ENAH: variants seen among roughly 807,000 people sequenced by gnomAD.
ENAH encodes the protein protein enabled homolog.
In ENAH, 23 loss-of-function variants were observed where a neutral mutation model predicts 78.7. That is an observed-to-expected ratio of 0.29 (90% CI 0.21 to 0.41). The LOEUF (loss-of-function observed/expected upper bound fraction) is 0.41. Among genes scored for constraint, ENAH ranks in the 10% least tolerant of loss-of-function variants. The pLI, the probability that ENAH is intolerant of heterozygous loss-of-function variation, is 1.00. For missense variants in ENAH, 544 were observed against 691.0 expected, an observed-to-expected ratio of 0.79 and a Z score of 2.39; for synonymous variants, 226 against 241.0, an observed-to-expected ratio of 0.94 and a Z score of 0.58.
At chr1:225,542,976 A>G (rs1184977444) in intron 3 of ENAH, among the ~76,000 whole-genome samples, 4 of 151,732 alleles carry the variant, frequency 2.6e-5, no homozygotes, top group Non-Finnish European at 5.9e-5. Flanking sequence ...TTATGATCGC[A>G]CCACTGCACT....
intron 1 of ENAH, among the ~76,000 whole-genome samples, chr1:225,595,614 T>TATTTGTCCATG (rs1324343601): frequency 6.6e-6 from 1 of 152,224 alleles, no homozygotes; most frequent in East Asian, 1.9e-4. Context: ...TGTTAGGATC[T>TATTTGTCCATG]CTTCATTTGT....
At position 225,511,897 on chromosome 1, in the gene ENAH, G is replaced by C. The variant is rs772489334; in HGVS notation, c.1423-38C>G. 2.2e-6 allele frequency: 3 copies of C among 1,369,670 alleles called. 1 individual carries two copies. The South Asian group carries it at 3.7e-5, about 17-fold the overall frequency. 84.8% of individuals were successfully genotyped at this position (1,369,670 alleles called of 1,614,324 possible). A position where few individuals can be genotyped will look rare whatever the true frequency, so the allele number is the denominator to read the frequency against. On this transcript the variant is annotated intron_variant, in intron 9 of 13. Coordinates refer to ENST00000366843, the MANE Select transcript of ENAH (RefSeq NM_018212.6). Reference sequence around the variant, plus strand: ...ATATATATTAATATCACATCTACCAGTCCCCTGTTGCTATATACATTTAGT... The same window carrying C: ...ATATATATTAATATCACATCTACCACTCCCCTGTTGCTATATACATTTAGT...
At chr1:225,527,466 A>G (rs56153247) in intron 4 of ENAH, among the ~76,000 whole-genome samples, 13,360 of 152,310 alleles carry the variant, frequency 0.088, 714 homozygotes, top group Non-Finnish European at 0.12. Context: ...CCAGCCATGC[A>G]CTACTGTCAG....
At chr1:225,558,627 CTTTTTTT>C (rs71170091) in intron 2 of ENAH, among the ~76,000 whole-genome samples, 1 of 69,218 alleles carries the variant, frequency 1.4e-5, no homozygotes, top group African/African-American at 5.6e-5. Flanking sequence ...TAATTTCTGC[CTTTTTTT>C]TTTTTTTTTT....
intron 1 of ENAH, among the ~76,000 whole-genome samples, chr1:225,637,813 C>T (rs1660331379): frequency 6.6e-6 from 1 of 152,110 alleles, no homozygotes; most frequent in Non-Finnish European, 1.5e-5. Flanking sequence ...GTCCCAGCTA[C>T]TTAGGAAGCC....
At chr1:225,506,151 C>T (rs532547071) in intron 11 of ENAH, among the ~76,000 whole-genome samples, 1 of 152,264 alleles carries the variant, frequency 6.6e-6, no homozygotes, top group Non-Finnish European at 1.5e-5. Context: ...TCAACGTAGG[C>T]TTAGCTTTTA....
chr1:225,557,324 T>C (rs1471448163), intron 2 of ENAH, among the ~76,000 whole-genome samples: 1 of 152,216 alleles, frequency 6.6e-6, no homozygotes, highest in East Asian at 1.9e-4. Context: ...CCTAATAATT[T>C]ACATTAAGGT....
At position 225,652,759 on chromosome 1, in the gene ENAH, C is replaced by T. The variant is rs1663286839; in HGVS notation, c.-69G>A. On this transcript the variant is annotated 5_prime_UTR_variant, in exon 1 of 14. Transcript: ENST00000366843. Reference sequence around the variant, plus strand: ...GAAGGCGCCGAGCCGAGGGGGGGGTCTCTCCTCCAGGGGTGGGGAGCAGCT... The same window carrying T: ...GAAGGCGCCGAGCCGAGGGGGGGGTTTCTCCTCCAGGGGTGGGGAGCAGCT... The T allele has an allele frequency of 7.8e-7, 1 of 1,278,742 alleles. No individual in the cohort carries two copies. The highest frequency in any genetic ancestry group is 9.9e-7 in the Non-Finnish European group (1 of 1,009,454). 79.2% of individuals were successfully genotyped at this position (1,278,742 alleles called of 1,614,324 possible).
intron 1 of ENAH, among the ~76,000 whole-genome samples, chr1:225,578,547 CTGTG>C (rs1276332376): frequency 6.6e-6 from 1 of 152,154 alleles, no homozygotes; most frequent in African/African-American, 2.4e-5. Flanking sequence ...GGAACCTGCT[CTGTG>C]TGTGCAACTC....
intron 3 of ENAH, 130 bp downstream of exon 3, chr1:225,554,776 G>T (rs1342923116): frequency 7.0e-6 from 5 of 713,198 alleles, no homozygotes; most frequent in Non-Finnish European, 8.3e-6. Flanking sequence ...ATATATACAA[G>T]ATCTAAAAGT....
Position 225,567,432 on chromosome 1 carries a change from A to C in ENAH, c.6-18T>G. 1 of 1,595,260 alleles carries C rather than the reference A, an allele frequency of 6.3e-7. No homozygotes were observed. Among genetic ancestry groups the C allele is most frequent in the South Asian group, 1.1e-5 (1 of 88,592 alleles). On this transcript the variant is annotated intron_variant, in intron 1 of 13. Transcript: ENST00000366843. ...TCTGTTCACTGTAAAAAATAAAATAAAATATTCAAACTTGCAATATTTAAA... is the reference window on the plus strand; with the variant it reads ...TCTGTTCACTGTAAAAAATAAAATACAATATTCAAACTTGCAATATTTAAA...
intron 1 of ENAH, among the ~76,000 whole-genome samples, chr1:225,642,612 G>C (rs1661277880): frequency 6.6e-6 from 1 of 152,142 alleles, no homozygotes; most frequent in Non-Finnish European, 1.5e-5. Flanking sequence ...CGAGGTTGCA[G>C]TAAGCTATGA....
intron 4 of ENAH, among the ~76,000 whole-genome samples, chr1:225,528,990 G>A (rs904311121): frequency 6.6e-6 from 1 of 151,574 alleles, no homozygotes; most frequent in African/African-American, 2.4e-5. Context: ...ATCACCTGGG[G>A]GAAGCCACCA....
At chr1:225,595,490 T>C (rs575495101) in intron 1 of ENAH, among the ~76,000 whole-genome samples, 1 of 152,278 alleles carries the variant, frequency 6.6e-6, no homozygotes, top group African/African-American at 2.4e-5. Flanking sequence ...AGTCTCCTAA[T>C]CATGAAATGT....
At chr1:225,644,873 T>C (rs1303925040) in intron 1 of ENAH, among the ~76,000 whole-genome samples, 1 of 152,208 alleles carries the variant, frequency 6.6e-6, no homozygotes, top group Non-Finnish European at 1.5e-5. Flanking sequence ...GAGACTACTG[T>C]AAACAAACCC....
In ENAH at chr1:225,558,211, G is replaced by A. The variant is rs193073899; in HGVS notation, c.172-3128C>T. On this transcript the variant is annotated intron_variant, in intron 2 of 13. Coordinates refer to ENST00000366843, the MANE Select transcript of ENAH (RefSeq NM_018212.6). The stretch of plus-strand genomic sequence containing the variant: ...TACCAGGTTTTGATACCAAAGTAAT[G>A]CTGGACTTAAAATGAATTGGCACTG... Among the ~76,000 whole-genome samples, 51 of 152,190 alleles carry A rather than the reference G, an allele frequency of 3.4e-4. No individual in the cohort carries two copies. The South Asian group carries it at 6.6e-3, about 20-fold the overall frequency.
intron 3 of ENAH, among the ~76,000 whole-genome samples, chr1:225,554,652 G>C (rs1337395271): frequency 6.6e-6 from 1 of 151,770 alleles, no homozygotes; most frequent in African/African-American, 2.4e-5. Context: ...CAAATAAAAG[G>C]GTTACAGAAT....
chr1:225,566,927 T>C (rs896065557), intron 2 of ENAH, among the ~76,000 whole-genome samples: 23 of 152,362 alleles, frequency 1.5e-4, no homozygotes, highest in African/African-American at 5.5e-4. Context: ...TCCATAAACA[T>C]ACAATCTGCC....
In ENAH at chr1:225,517,291, A is replaced by G; in HGVS notation, c.818T>C (p.Val273Ala). The G allele has an allele frequency of 6.4e-7, 1 of 1,551,898 alleles. No homozygotes were observed. Among genetic ancestry groups the G allele is most frequent in the Non-Finnish European group, 8.7e-7 (1 of 1,147,102 alleles). Reference sequence around the variant, plus strand: ...CAGCACAGAGTTTAGAGGAGTCTCAACAGAGGCAGGGGCAGCTGCAGAGGG... The same window carrying G: ...CAGCACAGAGTTTAGAGGAGTCTCAGCAGAGGCAGGGGCAGCTGCAGAGGG... ...RISSAAAPAS[V>A]ETPLNSVLGD... Residue 273 changes from valine to alanine, a missense_variant, in exon 6 of 14, where the codon GTT becomes GCT. Transcript: ENST00000366843.
Sources: allele counts gnomAD v4.1 joint callset (sites outside exome capture counted in the v4.1 genomes callset), GRCh38; gene constraint gnomAD v4.1.1; transcripts MANE v1.5; gene names NCBI Gene and HGNC (gene_info 2026-07-23, HGNC 2026-07-21).